TDRD7: variants seen among roughly 807,000 people sequenced by gnomAD.
The protein encoded by TDRD7 is tudor domain-containing protein 7.
TDRD7 carries 47 observed loss-of-function variants against 109.8 expected under a neutral mutation model. The ratio of observed to expected loss-of-function variants is 0.43; its 90% CI spans 0.34 to 0.55. The LOEUF is 0.55. TDRD7 is among the 20% of genes least tolerant of loss of function. The pLI is 0.03. For synonymous variants in TDRD7, 424 were observed against 457.3 expected (o/e 0.93, Z 0.93); for missense variants, 1,164 against 1,319.2 (o/e 0.88, Z 1.82).
At chr9:97,428,820 A>G (rs976883003) in intron 2 of TDRD7, 148 bp downstream of exon 2, 17 of 739,048 alleles carry the variant, frequency 2.3e-5, no homozygotes, top group Non-Finnish European at 3.6e-5. Context: ...AACAGCATGT[A>G]AAGCACAGCC....
At chr9:97,472,160 C>A in intron 9 of TDRD7, 133 bp from the exon 10 acceptor site, 1 of 794,148 alleles carries the variant, frequency 1.3e-6, no homozygotes, top group Non-Finnish European at 2.1e-6. Flanking sequence ...TAAAACAAAG[C>A]TTTCATATAA....
intron 1 of TDRD7, among the ~76,000 whole-genome samples, chr9:97,421,028 G>A (rs937261325): frequency 4.6e-5 from 7 of 151,898 alleles, no homozygotes; most frequent in African/African-American, 1.7e-4. Flanking sequence ...CCAGCAACTC[G>A]GGAGGCTGAG....
chr9:97,488,938 C>CT (rs1488861456), intron 16 of TDRD7, among the ~76,000 whole-genome samples: 1 of 152,142 alleles, frequency 6.6e-6, no homozygotes, highest in Admixed American at 6.5e-5. Flanking sequence ...TGCTTAATCT[C>CT]TTAAGTATTT....
Position 97,470,653 on chromosome 9 carries a change from A to AAAATGT in TDRD7, c.1728_1733dup (p.Cys577_Lys578dup). 1 of 1,613,768 alleles carries AAAATGT rather than the reference A, an allele frequency of 6.2e-7. No individual in the cohort carries two copies. Among genetic ancestry groups the AAAATGT allele is most frequent in the East Asian group, 2.2e-5 (1 of 44,828 alleles). ...TTTGTTCACTCTCATTTCAAGCTAC[A>AAAATGT]AAATGTAAGCTTGCAGGTAAGAGGA... On this transcript the variant is annotated inframe_insertion, in exon 9 of 17. Transcript: ENST00000355295.
chr9:97,487,092 A>T, intron 15 of TDRD7, 80 bp from the exon 16 acceptor site: 1 of 1,446,818 alleles, frequency 6.9e-7, no homozygotes, highest in Non-Finnish European at 9.6e-7. Flanking sequence ...TTTTCTTTTT[A>T]TCATAAAATA....
intron 2 of TDRD7, among the ~76,000 whole-genome samples, chr9:97,429,999 AT>A (rs1172795278): frequency 2.0e-5 from 3 of 152,110 alleles, no homozygotes; most frequent in Non-Finnish European, 2.9e-5. Flanking sequence ...GTTTTTTTAA[AT>A]TATGTTCTTG....
rs1382029936 is a variant in TDRD7, at chr9:97,428,648, G to A, written c.183G>A (p.Arg61=). 6.2e-7 allele frequency: 1 copy of A among 1,613,766 alleles called. No homozygotes were observed. Among genetic ancestry groups the A allele is most frequent in the African/African-American group, 1.3e-5 (1 of 74,912 alleles). Residue 61 remains arginine, a synonymous_variant, in exon 2 of 17, where the codon AGG becomes AGA. Transcript: ENST00000355295. The part of the protein sequence containing the change: ...AYLRSVPAVV[R]IETSRSGEIT... ...TGAGAAGTGTGCCAGCAGTGGTCAG[G>A]ATAGAGACTAGTAGATCTGGAGAGG...
intron 3 of TDRD7, among the ~76,000 whole-genome samples, 161 bp from the exon 4 acceptor site, chr9:97,431,864 T>C (rs570518647): frequency 1.8e-4 from 28 of 152,320 alleles, no homozygotes; most frequent in African/African-American, 6.3e-4. Flanking sequence ...ACCAATCTAT[T>C]CTTTCCCTGT....
intron 6 of TDRD7, among the ~76,000 whole-genome samples, chr9:97,453,933 T>G (rs1828554811): frequency 6.6e-6 from 1 of 152,124 alleles, no homozygotes; most frequent in South Asian, 2.1e-4. Context: ...AGACTTAGAC[T>G]CCCACAGAAT....
At position 97,493,793 on chromosome 9, in the gene TDRD7, T is replaced by C. The variant is rs556718503; in HGVS notation, c.3077-1870T>C. ...GCATTCTCTTTCTCAGGGATGTTCC[T>C]TGCTGAGAAAAAGAATTCAGCGATA... On this transcript the variant is annotated intron_variant, in intron 16 of 16. Transcript: ENST00000355295. Among the ~76,000 whole-genome samples the C allele has an allele frequency of 7.9e-5, 12 of 152,226 alleles. No individual in the cohort carries two copies. In the East Asian group the frequency reaches 1.5e-3, roughly 20 times the overall value.
chr9:97,443,131 C>A (rs952902133), intron 6 of TDRD7, among the ~76,000 whole-genome samples: 9 of 152,152 alleles, frequency 5.9e-5, no homozygotes, highest in Non-Finnish European at 1.2e-4. Context: ...CTTTTTCCTC[C>A]ACTTGAGTCT....
At chr9:97,474,513 A>T (rs1828978485) in intron 11 of TDRD7, among the ~76,000 whole-genome samples, 1 of 152,090 alleles carries the variant, frequency 6.6e-6, no homozygotes, top group African/African-American at 2.4e-5. Context: ...TATCTAATCT[A>T]GTGTCTTATG....
intron 9 of TDRD7, 124 bp from the exon 10 acceptor site, chr9:97,472,169 A>G (rs1351941566): frequency 1.2e-6 from 1 of 850,698 alleles, no homozygotes; most frequent in Non-Finnish European, 1.9e-6. Context: ...GCTTTCATAT[A>G]AAATTTAATA....
At chr9:97,439,073 A>G (rs1039226083) in intron 4 of TDRD7, among the ~76,000 whole-genome samples, 172 bp from the exon 5 acceptor site, 3 of 152,182 alleles carry the variant, frequency 2.0e-5, no homozygotes, top group Admixed American at 6.5e-5. Context: ...AATATGAAAC[A>G]TGAAAGATGA....
chr9:97,450,374 A>C (rs1828470425), intron 6 of TDRD7, among the ~76,000 whole-genome samples: 1 of 152,206 alleles, frequency 6.6e-6, no homozygotes, highest in Admixed American at 6.5e-5. Flanking sequence ...CCTTAGGTAT[A>C]TGCCTGAATC....
At chr9:97,446,199 G>A (rs915389001) in intron 6 of TDRD7, among the ~76,000 whole-genome samples, 1 of 152,032 alleles carries the variant, frequency 6.6e-6, no homozygotes, top group Non-Finnish European at 1.5e-5. Flanking sequence ...TCTCTGAAAC[G>A]GGTAAAGAAA....
chr9:97,453,493 A>G (rs1310023287), intron 6 of TDRD7, among the ~76,000 whole-genome samples: 1 of 152,134 alleles, frequency 6.6e-6, no homozygotes, highest in Non-Finnish European at 1.5e-5. Flanking sequence ...CTCTCAGCAA[A>G]GTAGAGTAGA....
intron 5 of TDRD7, among the ~76,000 whole-genome samples, chr9:97,440,668 C>T (rs1229363177): frequency 6.6e-6 from 1 of 152,148 alleles, no homozygotes; most frequent in African/African-American, 2.4e-5. Context: ...CTCTGGGCTT[C>T]CTGGCATTCT....
chr9:97,419,551 C>T (rs920265560), intron 1 of TDRD7, among the ~76,000 whole-genome samples: 1 of 152,218 alleles, frequency 6.6e-6, no homozygotes, highest in African/African-American at 2.4e-5. Flanking sequence ...AAGCTGTCCT[C>T]TTTCCTGCTC....
Sources: allele counts gnomAD v4.1 joint callset (sites outside exome capture counted in the v4.1 genomes callset), GRCh38; gene constraint gnomAD v4.1.1; transcripts MANE v1.5; gene names NCBI Gene and HGNC (gene_info 2026-07-23, HGNC 2026-07-21).